Variants in EXOC1 observed in about 807,000 individuals in gnomAD.
The protein encoded by EXOC1 is exocyst complex component 1.
EXOC1 carries 67 observed loss-of-function variants against 107.7 expected under a neutral mutation model. That is an observed-to-expected ratio of 0.62 (90% CI 0.51 to 0.76). EXOC1 has a LOEUF of 0.76. Among genes scored for constraint, EXOC1 ranks in the 30% least tolerant of loss-of-function variants. EXOC1 has a pLI of 0.00. For synonymous variants in EXOC1, 348 were observed against 353.5 expected, an observed-to-expected ratio of 0.98 and a Z score of 0.17; for missense variants, 833 against 1,055.7, an observed-to-expected ratio of 0.79 and a Z score of 2.92.
intron 15 of EXOC1, among the ~76,000 whole-genome samples, chr4:55,896,194 G>C (rs1276081177): frequency 1.3e-5 from 2 of 152,180 alleles, no homozygotes; most frequent in Non-Finnish European, 2.9e-5. Context: ...CTGTCACCCA[G>C]GCTGGAGTGC....
rs994705261 is a variant in EXOC1 at position 55,894,772 on chromosome 4, G to A, written c.1953+992G>A. Reference sequence around the variant, plus strand: ...CGAGTAGCTGGGATTGCAGGCATGCGCCACCACGCCCTGCTAGTTTTGTAT... The same window carrying A: ...CGAGTAGCTGGGATTGCAGGCATGCACCACCACGCCCTGCTAGTTTTGTAT... On this transcript the variant is annotated intron_variant, in intron 15 of 18. Transcript: ENST00000381295. 7.9e-5 allele frequency among the ~76,000 whole-genome samples: 12 copies of A among 151,886 alleles called. No homozygotes were observed. The East Asian group carries it at 1.4e-3, about 17-fold the overall frequency.
intron 8 of EXOC1, among the ~76,000 whole-genome samples, chr4:55,873,684 C>T (rs369533313): frequency 2.0e-5 from 3 of 152,208 alleles, no homozygotes; most frequent in South Asian, 2.1e-4. Flanking sequence ...CAGAACGCTG[C>T]GACAACCTGG....
intron 17 of EXOC1, chr4:55,900,608 A>T (rs1012150151): frequency 4.6e-5 from 7 of 152,146 alleles, no homozygotes; most frequent in African/African-American, 1.7e-4. Flanking sequence ...TAGCGCGGTG[A>T]CTCACACCTG....
chr4:55,881,203 C>T (rs561081360), intron 9 of EXOC1, among the ~76,000 whole-genome samples: 12 of 152,216 alleles, frequency 7.9e-5, no homozygotes, highest in African/African-American at 2.6e-4. Context: ...AGATTCCCTC[C>T]TCCCGGGACT....
chr4:55,868,754 T>TCTTGATATGAACCTTCATATCACA (rs1722173646), intron 5 of EXOC1: 3 of 374,030 alleles, frequency 8.0e-6, no homozygotes, highest in Admixed American at 4.4e-5. Context: ...TTGGGGAGGT[T>TCTTGATATGAACCTTCATATCACA]CTTGATATGA....
At chr4:55,890,445 G>A (rs763712640) in intron 12 of EXOC1, 59 bp downstream of exon 12, 1 of 1,502,206 alleles carries the variant, frequency 6.7e-7, no homozygotes, top group Admixed American at 1.7e-5. Flanking sequence ...ACAGCAGTTT[G>A]TGGTTGCTCT....
At chr4:55,862,379 CAT>C (rs1721559630) in intron 3 of EXOC1, among the ~76,000 whole-genome samples, 1 of 151,492 alleles carries the variant, frequency 6.6e-6, no homozygotes, top group Non-Finnish European at 1.5e-5. Flanking sequence ...GGATATAAAA[CAT>C]AAAATTTTTA....
Position 55,883,938 on chromosome 4 carries a change from G to A in EXOC1, c.1330+10G>A, listed in dbSNP as rs1264766154. 6.3e-7 allele frequency: 1 copy of A among 1,574,986 alleles called. No individual in the cohort carries two copies. On this transcript the variant is annotated intron_variant, in intron 10 of 18. Transcript: ENST00000381295. ...GAAAGCAAGAAGTTTGGTAAGCTTAGGCATGTCAGTTCATTATCTTCCTAT... is the reference window on the plus strand; with the variant it reads ...GAAAGCAAGAAGTTTGGTAAGCTTAAGCATGTCAGTTCATTATCTTCCTAT...
chr4:55,872,457 A>G (rs1439003592), intron 8 of EXOC1, among the ~76,000 whole-genome samples: 2 of 152,098 alleles, frequency 1.3e-5, no homozygotes, highest in Admixed American at 1.3e-4. Context: ...ATATTTTTAT[A>G]TGGAAAAGGA....
chr4:55,865,212 C>T lies in EXOC1; in HGVS notation c.415+826C>T, dbSNP rs187401755. On this transcript the variant is annotated intron_variant, in intron 4 of 18. Transcript: ENST00000381295. The stretch of plus-strand genomic sequence containing the variant: ...AGAATATTTTTGATCAGTATATCTT[C>T]AGGAATGTTACTATGCATCATTTTG... Among the ~76,000 whole-genome samples, 141 of 152,268 alleles carry T rather than the reference C, an allele frequency of 9.3e-4. 1 individual carries two copies. Among genetic ancestry groups the T allele is most frequent in the African/African-American group, 2.9e-3 (122 of 41,562 alleles).
At chr4:55,868,724 A>ACAC in intron 5 of EXOC1, 1 of 425,660 alleles carries the variant, frequency 2.3e-6, no homozygotes, top group Non-Finnish European at 4.1e-6. Flanking sequence ...CAATGAAGAC[A>ACAC]GTTGGCTGAG....
intron 8 of EXOC1, chr4:55,876,919 G>A: frequency 1.0e-6 from 1 of 985,272 alleles, no homozygotes; most frequent in Non-Finnish European, 1.2e-6. Flanking sequence ...GGATAATGAT[G>A]TGGGTTTTTG....
At chr4:55,877,701 T>A (rs1723027781) in intron 8 of EXOC1, 2 of 985,320 alleles carry the variant, frequency 2.0e-6, no homozygotes, top group Non-Finnish European at 2.4e-6. Flanking sequence ...TCTTGCGTAT[T>A]TATGATTATC....
chr4:55,883,784 G>A (rs2109429271), intron 9 of EXOC1, 39 bp from the exon 10 acceptor site: 1 of 1,298,168 alleles, frequency 7.7e-7, no homozygotes, highest in East Asian at 2.7e-5. Context: ...TGTTATATGT[G>A]TTTTATTAAT....
At chr4:55,890,530 G>GTA in intron 12 of EXOC1, 144 bp downstream of exon 12, 24 of 361,142 alleles carry the variant, frequency 6.6e-5, no homozygotes, top group Middle Eastern at 6.7e-4. Flanking sequence ...ATCGAATCTG[G>GTA]GAAAAAAAAA....
chr4:55,898,862 G>T (rs1193604347), intron 16 of EXOC1, among the ~76,000 whole-genome samples: 1 of 151,922 alleles, frequency 6.6e-6, no homozygotes, highest in Non-Finnish European at 1.5e-5. Flanking sequence ...TAAACATTTA[G>T]GATTTTTTTA....
intron 13 of EXOC1, among the ~76,000 whole-genome samples, chr4:55,892,348 C>T (rs1021098957): frequency 6.6e-6 from 1 of 152,044 alleles, no homozygotes; most frequent in Non-Finnish European, 1.5e-5. Context: ...ACTCCCACAC[C>T]TTGCGTTCAG....
At chr4:55,877,205 T>C in intron 8 of EXOC1, 1 of 985,332 alleles carries the variant, frequency 1.0e-6, no homozygotes, top group Non-Finnish European at 1.2e-6. Flanking sequence ...TAGGTAACCT[T>C]ATCAGGAAAT....
rs1721779963 is a variant in EXOC1, at chr4:55,864,531, CTTG to C, written c.415+148_415+150del. 20 of 730,256 alleles carry C rather than the reference CTTG, an allele frequency of 2.7e-5. No homozygotes were observed. The South Asian group carries it at 3.8e-4, about 14-fold the overall frequency. The allele number at this position is 730,256 out of a possible 1,614,324, so 45.2% of individuals were successfully genotyped here. The stretch of plus-strand genomic sequence containing the variant: ...AATTTTTCTTATTGCAGAAATTATG[CTTG>C]TTTATTGTAGAATATTAATACATTA... On this transcript the variant is annotated intron_variant, in intron 4 of 18. Transcript: ENST00000381295.
Sources: gnomAD v4.1 joint callset for allele counts (sites outside exome capture counted in the v4.1 genomes callset) on GRCh38, gnomAD v4.1.1 for gene constraint, MANE v1.5 for transcripts, NCBI Gene and HGNC (gene_info 2026-07-23, HGNC 2026-07-21) for gene names.